The following EPB41 variants were observed in gnomAD, a reference collection of about 807,000 sequenced individuals.
EPB41 encodes erythrocyte membrane protein band 4.1, also known as protein 4.1.
A neutral mutation model predicts 108.0 loss-of-function variants in EPB41; 65 were observed. The observed-to-expected ratio is 0.60, with a 90% CI of 0.49 to 0.74. The LOEUF is 0.74. EPB41 is among the 30% of genes least tolerant of loss of function. The probability of loss-of-function intolerance (pLI) is 0.00; values close to 1 mark genes in which losing one functional copy is unlikely to be tolerated. For synonymous variants in EPB41, 336 were observed against 358.9 expected (o/e 0.94, Z 0.72); for missense variants, 875 against 1,037.0 (o/e 0.84, Z 2.15).
At chr1:28,924,226 C>T (rs2093312716) in intron 1 of EPB41, among the ~76,000 whole-genome samples, 1 of 152,184 alleles carries the variant, frequency 6.6e-6, no homozygotes, top group South Asian at 2.1e-4. Flanking sequence ...GACAGCTTTA[C>T]TACAACTTCA....
chr1:28,985,229 G>T (rs891458720), intron 1 of EPB41, among the ~76,000 whole-genome samples: 3 of 152,068 alleles, frequency 2.0e-5, no homozygotes, highest in African/African-American at 4.8e-5. Context: ...CTCCCAAAGT[G>T]CTGGGATTAC....
chr1:28,901,192 G>A (rs2091269364), intron 1 of EPB41, among the ~76,000 whole-genome samples: 1 of 151,884 alleles, frequency 6.6e-6, no homozygotes. Flanking sequence ...GCCTCCCAAA[G>A]TGCTGGGATT....
intron 8 of EPB41, chr1:29,031,772 C>T (rs1456852944): frequency 6.6e-6 from 1 of 152,104 alleles, no homozygotes; most frequent in African/African-American, 2.4e-5. Flanking sequence ...AGTCTCCTTA[C>T]TTCTCTCTTC....
chr1:29,024,531 G>A (rs1425816983), intron 7 of EPB41, among the ~76,000 whole-genome samples: 1 of 151,794 alleles, frequency 6.6e-6, no homozygotes, highest in South Asian at 2.1e-4. Flanking sequence ...TACTCCGGAG[G>A]CTGAGGCAGA....
upstream of EPB41, among the ~76,000 whole-genome samples, chr1:28,912,174 T>C (rs1306537634): frequency 2.0e-5 from 3 of 152,248 alleles, no homozygotes; most frequent in Non-Finnish European, 4.4e-5. Context: ...AAATATTTAT[T>C]GAGCGTATAC....
At chr1:28,917,780 A>G (rs953602253) in intron 1 of EPB41, among the ~76,000 whole-genome samples, 3 of 149,818 alleles carry the variant, frequency 2.0e-5, no homozygotes, top group African/African-American at 7.4e-5. Flanking sequence ...GGGTCCTGCT[A>G]TTGTTTCCCA....
In EPB41 at chr1:29,024,626, C is replaced by T. The variant is rs191223797; in HGVS notation, c.1125-5774C>T. Among the ~76,000 whole-genome samples the T allele has an allele frequency of 3.8e-3, 582 of 151,272 alleles. 16 individuals are homozygous for T. Among genetic ancestry groups the T allele is most frequent in the African/African-American group, 0.013 (539 of 41,112 alleles). On this transcript the variant is annotated intron_variant, in intron 7 of 20. Coordinates refer to ENST00000343067, the MANE Select transcript of EPB41 (RefSeq NM_001376013.1). ...CCAGCTGGGCGACAGAGCGAGACTC[C>T]GTCTCAAAAAATAAATAAATAAAAA...
At chr1:29,040,450 TTTG>T (rs2150449228) in intron 11 of EPB41, among the ~76,000 whole-genome samples, 1 of 152,106 alleles carries the variant, frequency 6.6e-6, no homozygotes, top group South Asian at 2.1e-4. Context: ...CTGGCTAATT[TTTG>T]TATTTTTAGT....
At chr1:29,006,275 C>G (rs560155275) in intron 4 of EPB41, among the ~76,000 whole-genome samples, 1 of 137,960 alleles carries the variant, frequency 7.2e-6, no homozygotes, top group East Asian at 2.0e-4. Context: ...CTCGCTCTGT[C>G]GCCTAGGCTG....
chr1:28,956,341 G>A lies in EPB41; in HGVS notation c.-7-31090G>A, dbSNP rs1464836039. On this transcript the variant is annotated intron_variant, in intron 1 of 20. Coordinates refer to ENST00000343067, the MANE Select transcript of EPB41 (RefSeq NM_001376013.1). ...TAACAAAGGCAACAAAGGCAAGAGA[G>A]AGAGAGAACTGGGCTTTGCTGTTTT... Among the ~76,000 whole-genome samples the A allele has an allele frequency of 1.6e-4, 25 of 152,358 alleles. 1 individual carries two copies. Among genetic ancestry groups the A allele is most frequent in the Non-Finnish European group, 7.3e-5 (5 of 68,040 alleles).
At chr1:28,894,634 G>A (rs988894760) in intron 1 of EPB41, among the ~76,000 whole-genome samples, 1 of 152,136 alleles carries the variant, frequency 6.6e-6, no homozygotes, top group African/African-American at 2.4e-5. Context: ...AGAAATGGGA[G>A]GGATGGGGAG....
chr1:28,955,344 T>G (rs1465720230), intron 1 of EPB41, among the ~76,000 whole-genome samples: 4 of 146,358 alleles, frequency 2.7e-5, no homozygotes, highest in Admixed American at 2.1e-4. Flanking sequence ...CTGTTTTTCT[T>G]TATTCTTTTT....
intron 1 of EPB41, among the ~76,000 whole-genome samples, chr1:28,930,488 T>G (rs1016448426): frequency 7.0e-6 from 1 of 142,846 alleles, no homozygotes; most frequent in Non-Finnish European, 1.5e-5. Flanking sequence ...TGTGTGTGTG[T>G]TTTTTTTTTA....
intron 4 of EPB41, 25 bp from the exon 5 acceptor site, chr1:29,011,840 T>C (rs766026105): frequency 2.7e-5 from 44 of 1,613,886 alleles, no homozygotes; most frequent in Non-Finnish European, 3.7e-5. Flanking sequence ...GAGCTCTGTG[T>C]GAATGCCTTT....
chr1:29,098,424 T>TGACCTCGTGATCCGCC (rs1664018684), intron 17 of EPB41, among the ~76,000 whole-genome samples: 1 of 152,218 alleles, frequency 6.6e-6, no homozygotes, highest in Non-Finnish European at 1.5e-5. Context: ...CTTGATCCGC[T>TGACCTCGTGATCCGCC]GACCTCGTGA....
intron 11 of EPB41, chr1:29,041,149 AAATAAAT>A (rs2150471098): frequency 8.5e-6 from 1 of 117,046 alleles, no homozygotes; most frequent in South Asian, 2.4e-4. Context: ...TAAATAAATT[AAATAAAT>A]AAATAAATAA....
chr1:29,112,635 C>T (rs1669560986), intron 19 of EPB41, among the ~76,000 whole-genome samples, 187 bp downstream of exon 19: 1 of 152,114 alleles, frequency 6.6e-6, no homozygotes, highest in Non-Finnish European at 1.5e-5. Context: ...ATTGAGGAGC[C>T]AGGAAATGTA....
At chr1:29,001,754 G>A (rs549256928) in intron 4 of EPB41, among the ~76,000 whole-genome samples, 21 of 152,128 alleles carry the variant, frequency 1.4e-4, no homozygotes, top group African/African-American at 3.6e-4. Flanking sequence ...ACTTTTGTTC[G>A]TCTCCCTCCT....
rs1157490267 is a variant in EPB41 at position 29,097,870 on chromosome 1, A to G, written c.2248A>G (p.Ile750Val). Residue 750 changes from isoleucine to valine, a missense_variant, in exon 17 of 21, where the codon ATC becomes GTC. Around this residue, in one of 3 missense-constraint regions of EPB41, gnomAD observed 519 missense variants for 627.3 expected, o/e 0.83. Coordinates refer to ENST00000343067, the MANE Select transcript of EPB41 (RefSeq NM_001376013.1). ...TAATGCCAATGCTGTGAAAAGTGAAATCCCAACCAAAGACGTCCCTATTGT... is the reference window on the plus strand; with the variant it reads ...TAATGCCAATGCTGTGAAAAGTGAAGTCCCAACCAAAGACGTCCCTATTGT... The part of the protein sequence containing the change: ...SDNANAVKSE[I>V]PTKDVPIVHT... 10 of 1,613,928 alleles carry G rather than the reference A, an allele frequency of 6.2e-6. No individual in the cohort carries two copies. In the African/African-American group the frequency reaches 9.3e-5, roughly 15 times the overall value.
Sources: gnomAD v4.1 joint callset for allele counts (sites outside exome capture counted in the v4.1 genomes callset) on GRCh38, gnomAD v4.1.1 for gene constraint, gnomAD v4.1.1 regional missense constraint, MANE v1.5 for transcripts, NCBI Gene and HGNC (gene_info 2026-07-23, HGNC 2026-07-21) for gene names.